CSMD2: variants seen among roughly 807,000 people sequenced by gnomAD.
The protein encoded by CSMD2 is CUB and sushi domain-containing protein 2.
Under a neutral mutation model 398.5 loss-of-function variants are expected in CSMD2, and 130 were observed. The observed-to-expected ratio is 0.33, with a 90% CI of 0.28 to 0.38. The LOEUF is 0.38. Ranked by LOEUF, CSMD2 falls within the 10% of genes least tolerant of loss-of-function variation. CSMD2 has a pLI of 1.00. For synonymous variants in CSMD2, 1,828 were observed against 1,908.5 expected, an observed-to-expected ratio of 0.96 and a Z score of 1.10; for missense variants, 3,829 against 4,764.9, an observed-to-expected ratio of 0.80 and a Z score of 5.78.
At chr1:33,589,439 C>T (rs968621989) in intron 44 of CSMD2, among the ~76,000 whole-genome samples, 7 of 152,164 alleles carry the variant, frequency 4.6e-5, no homozygotes, top group African/African-American at 1.7e-4. Flanking sequence ...GAGAGATAGT[C>T]GTCTGTTTTA....
At chr1:33,672,271 T>G (rs1460653296) in intron 25 of CSMD2, among the ~76,000 whole-genome samples, 2 of 152,186 alleles carry the variant, frequency 1.3e-5, no homozygotes, top group Non-Finnish European at 2.9e-5. Flanking sequence ...ACTCCCACCC[T>G]AATACTGCGC....
chr1:34,147,646 G>A (rs1180027467), intron 1 of CSMD2, among the ~76,000 whole-genome samples: 3 of 2,512 alleles, frequency 1.2e-3, no homozygotes, highest in African/African-American at 1.5e-3. Flanking sequence ...AAAAGTGGGT[G>A]CAGTCAGGGA....
intron 3 of CSMD2, among the ~76,000 whole-genome samples, chr1:34,028,261 A>G (rs1413759991): frequency 2.0e-5 from 3 of 152,178 alleles, no homozygotes; most frequent in Non-Finnish European, 2.9e-5. Context: ...GGCTGCAGTG[A>G]GCTGAGATCG....
At chr1:33,539,771 GT>G (rs1477023534) in intron 60 of CSMD2, among the ~76,000 whole-genome samples, 7 of 152,154 alleles carry the variant, frequency 4.6e-5, no homozygotes, top group Admixed American at 1.3e-4. Context: ...GACCCTGGTA[GT>G]ATGTGAAGGT....
At chr1:33,626,651 G>A (rs1250440793) in intron 32 of CSMD2, 70 bp from the exon 33 acceptor site, 35 of 1,186,706 alleles carry the variant, frequency 2.9e-5, no homozygotes, top group South Asian at 1.8e-4. Context: ...TAAAATCCTG[G>A]CCAGGAAGGA....
Position 33,593,303 on chromosome 1 carries a change from AG to A in CSMD2, c.6857-6136del, listed in dbSNP as rs573220422. Among the ~76,000 whole-genome samples, 137 of 152,358 alleles carry A rather than the reference AG, an allele frequency of 9.0e-4. 1 individual carries two copies. In the South Asian group the frequency reaches 0.012, roughly 13 times the overall value. ...ATTGTCTTAGTTATGTTCCTGGTAT[AG>A]AAAATATAGTTGAATGTTATTTAGG... is the stretch of plus-strand genomic sequence containing the variant. On this transcript the variant is annotated intron_variant, in intron 44 of 70. Coordinates refer to ENST00000373381, the MANE Select transcript of CSMD2 (RefSeq NM_001281956.2).
intron 1 of CSMD2, among the ~76,000 whole-genome samples, chr1:34,159,907 G>A (rs751308000): frequency 6.6e-6 from 1 of 152,156 alleles, no homozygotes; most frequent in African/African-American, 2.4e-5. Flanking sequence ...CACTGGACTC[G>A]TTGCATCTCT....
chr1:33,662,565 A>G (rs1401101669), intron 26 of CSMD2, among the ~76,000 whole-genome samples: 1 of 152,058 alleles, frequency 6.6e-6, no homozygotes, highest in African/African-American at 2.4e-5. Flanking sequence ...TTCTTGAGTA[A>G]CTTCTACTTG....
Position 33,980,771 on chromosome 1 carries a change from C to T in CSMD2, c.518-44817G>A, listed in dbSNP as rs548900805. 6.6e-5 allele frequency among the ~76,000 whole-genome samples: 10 copies of T among 152,252 alleles called. No homozygotes were observed. In the South Asian group the frequency reaches 2.1e-3, roughly 32 times the overall value. Reference sequence around the variant, plus strand: ...AAAGCCCAACAAGTATATGCAAATGCTAATCATTGTTCTCACTGAAGATGA... The same window carrying T: ...AAAGCCCAACAAGTATATGCAAATGTTAATCATTGTTCTCACTGAAGATGA... On this transcript the variant is annotated intron_variant, in intron 3 of 70. Coordinates refer to ENST00000373381, the MANE Select transcript of CSMD2 (RefSeq NM_001281956.2).
chr1:34,102,243 G>T (rs543869454), intron 1 of CSMD2, among the ~76,000 whole-genome samples: 1 of 152,250 alleles, frequency 6.6e-6, no homozygotes, highest in African/African-American at 2.4e-5. Context: ...TGTTAGCCAA[G>T]ATGGTCTCGA....
In CSMD2 at chr1:33,514,379, T is replaced by C. The variant is rs199940272; in HGVS notation, c.*2245A>G. On this transcript the variant is annotated 3_prime_UTR_variant, in exon 71 of 71. Transcript: ENST00000373381. ...TGTCTTTGTTTTACTTTTTTTTTTT[T>C]CCTCATGGGATGGTGATGGGTATAT... 2.0e-5 allele frequency: 3 copies of C among 152,086 alleles called. No individual in the cohort carries two copies. The highest frequency in any genetic ancestry group is 7.3e-5 in the African/African-American group (3 of 41,258). 9.4% of individuals were successfully genotyped at this position (152,086 alleles called of 1,614,324 possible).
chr1:33,848,988 T>C (rs1638503615), intron 5 of CSMD2, among the ~76,000 whole-genome samples: 1 of 152,034 alleles, frequency 6.6e-6, no homozygotes, highest in Non-Finnish European at 1.5e-5. Flanking sequence ...CAGGATGAGA[T>C]TAATGATCAA....
At chr1:33,804,954 A>C (rs1028780236) in intron 10 of CSMD2, 2 of 712,548 alleles carry the variant, frequency 2.8e-6, no homozygotes, top group East Asian at 2.7e-5. Flanking sequence ...CACTACCTGA[A>C]GCCCACCAAG....
intron 2 of CSMD2, among the ~76,000 whole-genome samples, chr1:34,088,513 T>C (rs1254895188): frequency 1.3e-5 from 2 of 152,012 alleles, no homozygotes; most frequent in East Asian, 3.9e-4. Context: ...GGGTGAGAAC[T>C]CCCCCAAATT....
At chr1:34,060,371 G>A (rs889209905) in intron 2 of CSMD2, among the ~76,000 whole-genome samples, 3 of 152,302 alleles carry the variant, frequency 2.0e-5, no homozygotes, top group African/African-American at 7.2e-5. Context: ...CTTTATGACA[G>A]TCTTCATTTT....
chr1:33,836,423 T>C (rs1660274056), intron 6 of CSMD2, among the ~76,000 whole-genome samples: 1 of 152,208 alleles, frequency 6.6e-6, no homozygotes, highest in African/African-American at 2.4e-5. Flanking sequence ...TGCAGAAGTT[T>C]CTGCTGCCTT....
rs550852617 is a variant in CSMD2 at position 33,865,550 on chromosome 1, G to A, written c.921-18554C>T. ...CAAGGCTGGATAAGAGGGCAGGATCGCCTTGGCCACAGTCATTGGCTCAGT... is the reference window on the plus strand; with the variant it reads ...CAAGGCTGGATAAGAGGGCAGGATCACCTTGGCCACAGTCATTGGCTCAGT... On this transcript the variant is annotated intron_variant, in intron 5 of 70. Transcript: ENST00000373381. Among the ~76,000 whole-genome samples, 12 of 152,204 alleles carry A rather than the reference G, an allele frequency of 7.9e-5. 1 individual carries two copies. The highest frequency in any genetic ancestry group is 1.9e-4 in the African/African-American group (8 of 41,550).
At chr1:34,113,608 C>T (rs951860604) in intron 1 of CSMD2, among the ~76,000 whole-genome samples, 1 of 152,100 alleles carries the variant, frequency 6.6e-6, no homozygotes, top group African/African-American at 2.4e-5. Flanking sequence ...GGGAAAGGTG[C>T]CTGGAGGAGG....
intron 2 of CSMD2, among the ~76,000 whole-genome samples, chr1:34,065,123 T>C (rs1345064215): frequency 6.6e-6 from 1 of 152,158 alleles, no homozygotes; most frequent in Non-Finnish European, 1.5e-5. Flanking sequence ...CTGAAAGCTC[T>C]TCTTTCCCCT....
Sources: gnomAD v4.1 joint callset for allele counts (sites outside exome capture counted in the v4.1 genomes callset) on GRCh38, gnomAD v4.1.1 for gene constraint, MANE v1.5 for transcripts, NCBI Gene and HGNC (gene_info 2026-07-23, HGNC 2026-07-21) for gene names.